AGAP4: variants seen among roughly 807,000 people sequenced by gnomAD.
AGAP4 encodes the protein ArfGAP with GTPase domain, ankyrin repeat and PH domain 4.
AGAP4 carries 13 observed loss-of-function variants against 60.7 expected under a neutral mutation model. The observed-to-expected ratio is 0.21, with a 90% CI of 0.14 to 0.34. The LOEUF (loss-of-function observed/expected upper bound fraction) is 0.34. Ranked by LOEUF, AGAP4 falls within the 10% of genes least tolerant of loss-of-function variation. The pLI is 1.00. For synonymous variants in AGAP4, 70 were observed against 339.0 expected, an observed-to-expected ratio of 0.21 and a Z score of 8.72; for missense variants, 169 against 884.0, an observed-to-expected ratio of 0.19 and a Z score of 10.26.
intron 4 of AGAP4, among the ~76,000 whole-genome samples, chr10:45,837,667 T>C (rs2058844462): frequency 6.6e-6 from 1 of 151,740 alleles, no homozygotes; most frequent in Admixed American, 6.6e-5. Flanking sequence ...GCAAGCCACA[T>C]GCGGGAGAAT....
intron 5 of AGAP4, among the ~76,000 whole-genome samples, chr10:45,832,304 T>G (rs2058746530): frequency 6.8e-6 from 1 of 147,958 alleles, no homozygotes; most frequent in African/African-American, 2.5e-5. Context: ...AATTCAACAC[T>G]CGTTTTACAG....
At chr10:45,831,841 G>C (rs1162245435) in intron 5 of AGAP4, among the ~76,000 whole-genome samples, 2 of 139,128 alleles carry the variant, frequency 1.4e-5, no homozygotes, top group African/African-American at 5.3e-5. Flanking sequence ...CCAGGTTCAA[G>C]CGATTCTCAT....
intron 5 of AGAP4, among the ~76,000 whole-genome samples, chr10:45,832,957 GAAT>G (rs1373517494): frequency 2.0e-5 from 3 of 150,202 alleles, no homozygotes; most frequent in Non-Finnish European, 3.0e-5. Context: ...CTAAAAAGTA[GAAT>G]AATGAGGAAA....
In AGAP4 at chr10:45,845,598, C is replaced by CT. The variant is rs1357103511; in HGVS notation, c.292+1088dup. 2.6e-5 allele frequency among the ~76,000 whole-genome samples: 3 copies of CT among 115,704 alleles called. 1 individual carries two copies. The highest frequency in any genetic ancestry group is 5.6e-5 in the Non-Finnish European group (3 of 53,144). The allele number at this position is 115,704 out of a possible 152,430, so 75.9% of individuals were successfully genotyped here. A position where few individuals can be genotyped will look rare whatever the true frequency, so the allele number is the denominator to read the frequency against. On this transcript the variant is annotated intron_variant, in intron 2 of 7. Transcript: ENST00000616763. ...CAGTGTAGAGACTAAAAAACTCCAA[C>CT]TTTCTTTCCTTTTTTTTTTTGTGAG...
At chr10:45,849,839 C>T (rs1343666760), upstream of AGAP4, among the ~76,000 whole-genome samples, 1 of 151,196 alleles carries the variant, frequency 6.6e-6, no homozygotes, top group Non-Finnish European at 1.5e-5. Context: ...GGGGTTTCTG[C>T]ACGTTGGTCA....
At chr10:45,838,864 T>TGTGAAGTA in intron 4 of AGAP4, among the ~76,000 whole-genome samples, 1 of 150,466 alleles carries the variant, frequency 6.6e-6, no homozygotes, top group South Asian at 2.1e-4. Context: ...CCATCTATGT[T>TGTGAAGTA]GTGAAGTAAT....
At chr10:45,830,132 T>C (rs1392836180) in intron 6 of AGAP4, among the ~76,000 whole-genome samples, 2 of 149,224 alleles carry the variant, frequency 1.3e-5, no homozygotes, top group African/African-American at 2.4e-5. Flanking sequence ...ATACACCTTC[T>C]ACCAACTACA....
chr10:45,841,164 G>A lies in AGAP4; in HGVS notation c.396+489C>T, dbSNP rs1198923930. Among the ~76,000 whole-genome samples, 50 of 97,444 alleles carry A rather than the reference G, an allele frequency of 5.1e-4. 4 individuals carry two copies. The highest frequency in any genetic ancestry group is 1.8e-3 in the African/African-American group (44 of 24,282). 63.9% of individuals were successfully genotyped at this position (97,444 alleles called of 152,430 possible). On this transcript the variant is annotated intron_variant, in intron 4 of 7. Transcript: ENST00000616763. ...GTCGTCCAGGCTGGAGTGCAATGGCGCGATCTTGGCTCACTGCAACCTCCG... is the reference window on the plus strand; with the variant it reads ...GTCGTCCAGGCTGGAGTGCAATGGCACGATCTTGGCTCACTGCAACCTCCG...
intron 6 of AGAP4, among the ~76,000 whole-genome samples, chr10:45,830,741 T>C (rs2058719842): frequency 7.7e-6 from 1 of 130,098 alleles, no homozygotes; most frequent in Non-Finnish European, 1.7e-5. Flanking sequence ...CGCCTCAGCC[T>C]CCCAAAGTGC....
At chr10:45,847,536 T>G, upstream of AGAP4, 1 of 1,482,432 alleles carries the variant, frequency 6.7e-7, no homozygotes, top group Non-Finnish European at 8.8e-7. Flanking sequence ...CGGCTAGGGC[T>G]GCGGGCCAAG....
intron 5 of AGAP4, among the ~76,000 whole-genome samples, chr10:45,833,153 G>T (rs1191432854): frequency 2.1e-5 from 2 of 96,058 alleles, no homozygotes; most frequent in East Asian, 7.4e-4. Context: ...TTACTCAATA[G>T]GTCCCAAAGC....
At chr10:45,852,062 G>A (rs1206240733), upstream of AGAP4, among the ~76,000 whole-genome samples, 1 of 148,382 alleles carries the variant, frequency 6.7e-6, no homozygotes, top group Non-Finnish European at 1.5e-5. Flanking sequence ...ACAGGCACCC[G>A]TTACCATGTC....
chr10:45,849,389 T>C (rs2059052395), upstream of AGAP4, among the ~76,000 whole-genome samples: 1 of 151,470 alleles, frequency 6.6e-6, no homozygotes, highest in Non-Finnish European at 1.5e-5. Flanking sequence ...GAGATTTGGG[T>C]GGGGGCATGG....
At chr10:45,841,483 G>C (rs2058918037) in intron 4 of AGAP4, 170 bp downstream of exon 4, 1 of 597,524 alleles carries the variant, frequency 1.7e-6, no homozygotes, top group Non-Finnish European at 2.7e-6. Flanking sequence ...GCTAAACTAA[G>C]CACTTTTCTG....
chr10:45,847,484 G>C lies in AGAP4; in HGVS notation c.-137C>G. ...TCCTCGCCTGCCCACCTCACAGCGC[G>C]GCCCCGGGCACCAGCCCTGGCCCTG... is the stretch of plus-strand genomic sequence containing the variant. On this transcript the variant is annotated 5_prime_UTR_variant, in exon 1 of 8. Coordinates refer to ENST00000616763, the MANE Select transcript of AGAP4 (RefSeq NM_001276343.3). 1.3e-6 allele frequency: 2 copies of C among 1,529,398 alleles called. No individual in the cohort carries two copies. The highest frequency in any genetic ancestry group is 1.7e-6 in the Non-Finnish European group (2 of 1,145,198). 94.7% of individuals were successfully genotyped at this position (1,529,398 alleles called of 1,614,324 possible). A position where few individuals can be genotyped will look rare whatever the true frequency, so the allele number is the denominator to read the frequency against.
chr10:45,841,759 T>C, intron 3 of AGAP4, 72 bp from the exon 4 acceptor site: 1 of 901,964 alleles, frequency 1.1e-6, no homozygotes, highest in Non-Finnish European at 1.6e-6. Flanking sequence ...TGTTAACATC[T>C]TACTGATTAC....
intron 4 of AGAP4, among the ~76,000 whole-genome samples, chr10:45,834,901 G>A (rs1244085503): frequency 6.8e-6 from 1 of 146,190 alleles, no homozygotes; most frequent in Non-Finnish European, 1.5e-5. Context: ...AGCCTCCTGA[G>A]TAGCTGGGAC....
Position 45,844,380 on chromosome 10 carries a change from G to A in AGAP4, c.307C>T (p.Pro103Ser). The A allele has an allele frequency of 6.3e-7, 1 of 1,592,936 alleles. No individual in the cohort carries two copies. The highest frequency in any genetic ancestry group is 1.1e-5 in the South Asian group (1 of 90,844). The change falls in exon 3 of 8, where the codon CCT becomes TCT. Residue 103 changes from proline (P) to serine (S), a missense_variant. Pro to Ser is a moderately conservative substitution (Grantham distance 74). Transcript: ENST00000616763. ...GTGCTTGCCTCTGGATTGGCAGAAG[G>A]GTTAAACTCCAAAGCTATATGCATA... ...NSQTDALEFNPSANPEASTIF... is the reference protein window; with the variant it reads ...NSQTDALEFNSSANPEASTIF...
upstream of AGAP4, among the ~76,000 whole-genome samples, chr10:45,849,362 G>A (rs1343767026): frequency 2.0e-5 from 3 of 151,596 alleles, no homozygotes. Flanking sequence ...AGGATTATGG[G>A]GATTATAATT....
Sources: gnomAD v4.1 joint callset for allele counts (sites outside exome capture counted in the v4.1 genomes callset) on GRCh38, gnomAD v4.1.1 for gene constraint, MANE v1.5 for transcripts, NCBI Gene and HGNC (gene_info 2026-07-23, HGNC 2026-07-21) for gene names.